KCNIP1: variants seen among roughly 807,000 people sequenced by gnomAD.
The protein encoded by KCNIP1 is potassium voltage-gated channel interacting protein 1, also known as A-type potassium channel modulatory protein KCNIP1.
KCNIP1 carries 18 observed loss-of-function variants against 33.0 expected under a neutral mutation model. The ratio of observed to expected loss-of-function variants is 0.55; its 90% CI spans 0.38 to 0.81. The LOEUF is 0.81. KCNIP1 is among the 30% of genes least tolerant of loss of function. The probability of loss-of-function intolerance (pLI) is 0.00; values close to 1 mark genes in which losing one functional copy is unlikely to be tolerated. For synonymous variants in KCNIP1, 93 were observed against 98.3 expected, an observed-to-expected ratio of 0.95 and a Z score of 0.32; for missense variants, 238 against 271.6, an observed-to-expected ratio of 0.88 and a Z score of 0.87.
At chr5:170,457,494 C>A (rs1325224802) in intron 1 of KCNIP1, among the ~76,000 whole-genome samples, 1 of 152,200 alleles carries the variant, frequency 6.6e-6, no homozygotes, top group Admixed American at 6.5e-5. Context: ...GGCTGAGAAA[C>A]CCACAGATGG....
intron 1 of KCNIP1, among the ~76,000 whole-genome samples, chr5:170,532,229 G>A (rs1289622557): frequency 6.6e-6 from 1 of 152,196 alleles, no homozygotes; most frequent in Non-Finnish European, 1.5e-5. Context: ...TGCTTTCTTT[G>A]TTGTTCTATA....
chr5:170,475,482 C>A (rs1384444578), intron 1 of KCNIP1, among the ~76,000 whole-genome samples: 1 of 152,200 alleles, frequency 6.6e-6, no homozygotes, highest in Non-Finnish European at 1.5e-5. Flanking sequence ...AGGTGACTCC[C>A]ACACGGCTGT....
intron 1 of KCNIP1, among the ~76,000 whole-genome samples, chr5:170,707,705 A>G (rs920825281): frequency 6.6e-6 from 1 of 152,184 alleles, no homozygotes; most frequent in African/African-American, 2.4e-5. Flanking sequence ...AGATCTGTCT[A>G]CTGAAATACA....
At chr5:170,641,140 C>T (rs748414257) in intron 1 of KCNIP1, among the ~76,000 whole-genome samples, 6 of 152,190 alleles carry the variant, frequency 3.9e-5, no homozygotes, top group Non-Finnish European at 7.3e-5. Flanking sequence ...TCTAGACACA[C>T]CTTCATGCTC....
At chr5:170,715,358 C>A (rs1763611753) in intron 1 of KCNIP1, among the ~76,000 whole-genome samples, 1 of 152,310 alleles carries the variant, frequency 6.6e-6, no homozygotes, top group South Asian at 2.1e-4. Flanking sequence ...CGACACATGA[C>A]TGAATAAGCA....
At chr5:170,692,331 G>A (rs1762748332) in intron 1 of KCNIP1, among the ~76,000 whole-genome samples, 1 of 152,092 alleles carries the variant, frequency 6.6e-6, no homozygotes, top group Non-Finnish European at 1.5e-5. Flanking sequence ...CTTTTCCCAG[G>A]CCTTTTCAGG....
intron 1 of KCNIP1, among the ~76,000 whole-genome samples, chr5:170,369,742 A>G (rs1008582892): frequency 3.3e-5 from 5 of 152,248 alleles, no homozygotes; most frequent in Non-Finnish European, 7.3e-5. Flanking sequence ...TCACCTTGAT[A>G]AATTAGCTGT....
chr5:170,500,225 C>G (rs568490851), upstream of KCNIP1, among the ~76,000 whole-genome samples: 2 of 152,276 alleles, frequency 1.3e-5, no homozygotes, highest in East Asian at 1.9e-4. Context: ...ACCCTTATGA[C>G]CTCTTTTAAC....
At chr5:170,711,734 A>G (rs1408943611) in intron 1 of KCNIP1, among the ~76,000 whole-genome samples, 3 of 152,212 alleles carry the variant, frequency 2.0e-5, no homozygotes, top group Non-Finnish European at 4.4e-5. Flanking sequence ...GTATATTTAT[A>G]AAAAATAAAT....
intron 1 of KCNIP1, among the ~76,000 whole-genome samples, chr5:170,388,861 C>A (rs908417652): frequency 9.2e-5 from 14 of 152,200 alleles, no homozygotes; most frequent in Non-Finnish European, 2.9e-5. Flanking sequence ...CCCAAATCAG[C>A]CCCCAGTAAA....
chr5:170,519,560 G>C (rs1021374948), intron 1 of KCNIP1, among the ~76,000 whole-genome samples: 8 of 152,180 alleles, frequency 5.3e-5, no homozygotes, highest in Admixed American at 3.3e-4. Flanking sequence ...TCTTTGGGAA[G>C]AGGATGGAAA....
chr5:170,601,320 G>A (rs1321498337), intron 1 of KCNIP1, among the ~76,000 whole-genome samples: 3 of 152,176 alleles, frequency 2.0e-5, no homozygotes, highest in Admixed American at 6.5e-5. Flanking sequence ...GCAATGGATC[G>A]GAACCACAGT....
At chr5:170,457,611 G>T (rs1037336182) in intron 1 of KCNIP1, among the ~76,000 whole-genome samples, 2 of 152,184 alleles carry the variant, frequency 1.3e-5, no homozygotes, top group Non-Finnish European at 2.9e-5. Flanking sequence ...CTACAGCTCG[G>T]CTCTCAGGAA....
At chr5:170,593,176 C>T (rs1021126361) in intron 1 of KCNIP1, among the ~76,000 whole-genome samples, 3 of 152,122 alleles carry the variant, frequency 2.0e-5, no homozygotes, top group Non-Finnish European at 2.9e-5. Flanking sequence ...TTTAAAAGAG[C>T]GTGTACGCGA....
upstream of KCNIP1, among the ~76,000 whole-genome samples, chr5:170,502,093 C>T (rs116267568): frequency 7.6e-3 from 1,154 of 152,354 alleles, 4 homozygotes; most frequent in Non-Finnish European, 0.013. Flanking sequence ...TCTAATCCCA[C>T]ATCCTGGCTG....
At position 170,597,951 on chromosome 5, in the gene KCNIP1, C is replaced by T. The variant is rs367938473; in HGVS notation, c.61+93318C>T. ...TCAAAAGCTGTTTGAAAACTCTGTCCGGAATTGCTGGAAAGGGCCCCAGCA... is the reference window on the plus strand; with the variant it reads ...TCAAAAGCTGTTTGAAAACTCTGTCTGGAATTGCTGGAAAGGGCCCCAGCA... On this transcript the variant is annotated intron_variant, in intron 1 of 7. Coordinates refer to ENST00000328939, the MANE Select transcript of KCNIP1 (RefSeq NM_014592.4). Among the ~76,000 whole-genome samples, 13 of 152,064 alleles carry T rather than the reference C, an allele frequency of 8.5e-5. No individual in the cohort carries two copies. In the East Asian group the frequency reaches 1.7e-3, roughly 20 times the overall value.
At chr5:170,366,118 G>C (rs1300768265) in intron 1 of KCNIP1, among the ~76,000 whole-genome samples, 1 of 152,168 alleles carries the variant, frequency 6.6e-6, no homozygotes, top group Non-Finnish European at 1.5e-5. Flanking sequence ...CAGTGACAAA[G>C]AGTTTTATTC....
At chr5:170,625,901 G>C (rs1380847176) in intron 1 of KCNIP1, among the ~76,000 whole-genome samples, 1 of 152,204 alleles carries the variant, frequency 6.6e-6, no homozygotes, top group African/African-American at 2.4e-5. Context: ...CGACAAGACA[G>C]AGCCACTGAG....
intron 1 of KCNIP1, among the ~76,000 whole-genome samples, chr5:170,632,450 T>C (rs1003771155): frequency 6.6e-6 from 1 of 152,224 alleles, no homozygotes; most frequent in Non-Finnish European, 1.5e-5. Flanking sequence ...CAGCCTCCTT[T>C]GGCAGGGGCT....
Sources: allele counts gnomAD v4.1 joint callset (sites outside exome capture counted in the v4.1 genomes callset), GRCh38; gene constraint gnomAD v4.1.1; transcripts MANE v1.5; gene names NCBI Gene and HGNC (gene_info 2026-07-23, HGNC 2026-07-21).